DLG3: variants seen among roughly 807,000 people sequenced by gnomAD.
The protein encoded by DLG3 is discs large MAGUK scaffold protein 3.
Under a neutral mutation model 64.1 loss-of-function variants are expected in DLG3, and 1 was observed. That is an observed-to-expected ratio of 0.02 (90% CI 0.01 to 0.07). The LOEUF (loss-of-function observed/expected upper bound fraction) is 0.07. Ranked by LOEUF, DLG3 falls within the 10% of genes least tolerant of loss-of-function variation. The pLI is 1.00. For missense variants in DLG3, 429 were observed against 669.5 expected (o/e 0.64, Z 3.96); for synonymous variants, 245 against 259.8 (o/e 0.94, Z 0.55).
intron 9 of DLG3, among the ~76,000 whole-genome samples, chrX:70,468,298 G>C (rs2147815174): frequency 9.0e-6 from 1 of 111,270 alleles, no homozygotes; most frequent in Non-Finnish European, 1.9e-5. Flanking sequence ...TCAAACTCCT[G>C]ACCTCCGGTG....
intron 1 of DLG3, 134 bp from the exon 2 acceptor site, chrX:70,448,779 T>G: frequency 1.0e-6 from 1 of 967,120 alleles, no homozygotes; most frequent in Non-Finnish European, 1.5e-6. Context: ...TGTCCTCATC[T>G]GTGGCCAAGA....
chrX:70,502,482 C>T lies in DLG3; in HGVS notation c.*213C>T. ...TTTATTTTTTGGGATGATGCCATCT[C>T]ATTCATCATGTGACTGTGCCCATTC... On this transcript the variant is annotated 3_prime_UTR_variant, in exon 19 of 19. Transcript: ENST00000374360. 2.7e-6 allele frequency: 1 copy of T among 374,192 alleles called. No individual in the cohort carries two copies. Among genetic ancestry groups the T allele is most frequent in the Non-Finnish European group, 4.7e-6 (1 of 213,641 alleles). The allele number at this position is 374,192 out of a possible 1,213,427, so 30.8% of individuals were successfully genotyped here.
chrX:70,494,201 A>G (rs758349928), intron 12 of DLG3, among the ~76,000 whole-genome samples: 2 of 112,911 alleles, frequency 1.8e-5, no homozygotes, highest in Non-Finnish European at 3.7e-5. Flanking sequence ...CAACGGAAGA[A>G]GAAATTTAAT....
chrX:70,468,669 C>G (rs1175658235), intron 9 of DLG3, among the ~76,000 whole-genome samples: 4 of 111,446 alleles, frequency 3.6e-5, no homozygotes, highest in African/African-American at 1.3e-4. Flanking sequence ...AATTATTTTT[C>G]CTCAAGCAAT....
At chrX:70,463,316 T>G (rs1481017909) in intron 9 of DLG3, among the ~76,000 whole-genome samples, 1 of 109,564 alleles carries the variant, frequency 9.1e-6, no homozygotes, top group Non-Finnish European at 1.9e-5. Flanking sequence ...CCCAGCAAAT[T>G]TTTTATATCT....
At chrX:70,459,082 A>G (rs1225570358) in intron 9 of DLG3, among the ~76,000 whole-genome samples, 1 of 111,956 alleles carries the variant, frequency 8.9e-6, no homozygotes, top group African/African-American at 3.2e-5. Flanking sequence ...TTATAAACTG[A>G]TCTAGTATTT....
At position 70,503,202 on chromosome X, in the gene DLG3, C is replaced by T. The variant is rs1299866713; in HGVS notation, c.*933C>T. ...GGAATTGCCTATTGTTTTATGCCAC[C>T]TGATGTGTCTGCATGAGAGGTTTCC... On this transcript the variant is annotated 3_prime_UTR_variant, in exon 19 of 19. Coordinates refer to ENST00000374360, the MANE Select transcript of DLG3 (RefSeq NM_021120.4). 8.9e-6 allele frequency: 1 copy of T among 112,693 alleles called. No individual in the cohort carries two copies. The highest frequency in any genetic ancestry group is 9.4e-5 in the Admixed American group (1 of 10,600). 9.3% of individuals were successfully genotyped at this position (112,693 alleles called of 1,213,427 possible).
At chrX:70,481,961 A>G (rs1316694485) in intron 10 of DLG3, among the ~76,000 whole-genome samples, 1 of 111,997 alleles carries the variant, frequency 8.9e-6, no homozygotes, top group Non-Finnish European at 1.9e-5. Context: ...TGAACTACAG[A>G]CCTGCATATC....
chrX:70,474,238 A>G (rs183163436), intron 9 of DLG3, among the ~76,000 whole-genome samples: 2 of 112,153 alleles, frequency 1.8e-5, no homozygotes, highest in African/African-American at 3.2e-5. Context: ...AAGCTTTAGG[A>G]AAGCTTTTCA....
intron 9 of DLG3, among the ~76,000 whole-genome samples, chrX:70,466,580 A>G (rs1211883018): frequency 1.8e-4 from 19 of 108,491 alleles, no homozygotes; most frequent in African/African-American, 6.4e-4. Context: ...CTGGGACTAC[A>G]GGTGTGCGCC....
rs1404349590 is a variant in DLG3 at position 70,505,119 on chromosome X, A to T, written c.*2850A>T. ...GCCTAACAAAAGGGAGTCCCCAAAG[A>T]GCTCCATGAGAGCTTAAGAAAATTC... On this transcript the variant is annotated 3_prime_UTR_variant, in exon 19 of 19. Transcript: ENST00000374360. The T allele has an allele frequency of 1.2e-4, 13 of 112,439 alleles. No individual in the cohort carries two copies. The highest frequency in any genetic ancestry group is 1.9e-4 in the Admixed American group (2 of 10,604). The allele number at this position is 112,439 out of a possible 1,213,427, so 9.3% of individuals were successfully genotyped here.
At chrX:70,485,737 C>A (rs1293592133) in intron 10 of DLG3, among the ~76,000 whole-genome samples, 2 of 111,604 alleles carry the variant, frequency 1.8e-5, no homozygotes, top group Non-Finnish European at 3.8e-5. Context: ...CTGGATCTTT[C>A]CAACCCAAAT....
chrX:70,455,744 C>T lies in DLG3; in HGVS notation c.1405+1428C>T, dbSNP rs2086695375. 4 of 111,570 alleles carry T rather than the reference C, an allele frequency of 3.6e-5. No homozygotes were observed. In the Admixed American group the frequency reaches 3.8e-4, roughly 11 times the overall value. 9.2% of individuals were successfully genotyped at this position (111,570 alleles called of 1,213,427 possible). A position where few individuals can be genotyped will look rare whatever the true frequency, so the allele number is the denominator to read the frequency against. On this transcript the variant is annotated intron_variant, in intron 9 of 18. Transcript: ENST00000374360. ...CCTTTTGTTTGCAAGGGATTCGTAC[C>T]ATTCCCGACTTCTTTCGCCTCCTCC...
chrX:70,445,135 T>C lies in DLG3; in HGVS notation c.-67T>C, dbSNP rs1437426429. 25 of 889,390 alleles carry C rather than the reference T, an allele frequency of 2.8e-5. No individual in the cohort carries two copies. The highest frequency in any genetic ancestry group is 4.9e-5 in the South Asian group (2 of 40,543). The allele number at this position is 889,390 out of a possible 1,213,427, so 73.3% of individuals were successfully genotyped here. A position where few individuals can be genotyped will look rare whatever the true frequency, so the allele number is the denominator to read the frequency against. On this transcript the variant is annotated 5_prime_UTR_variant, in exon 1 of 19. Transcript: ENST00000374360. The stretch of plus-strand genomic sequence containing the variant: ...AGCCCGGCGGCGGCGGCGGCGGTGG[T>C]GGCGGCGGTGGCGGCGGCGTGGAAT...
intron 9 of DLG3, among the ~76,000 whole-genome samples, chrX:70,461,502 G>A (rs1352123982): frequency 9.0e-6 from 1 of 111,231 alleles, no homozygotes; most frequent in Non-Finnish European, 1.9e-5. Context: ...GTGTGCTCGG[G>A]GGGTTTAAGG....
chrX:70,493,552 G>C, intron 12 of DLG3: 1 of 944,366 alleles, frequency 1.1e-6, no homozygotes, highest in Non-Finnish European at 1.5e-6. Flanking sequence ...TCCCTCGAGA[G>C]AAGCCTGGGC....
chrX:70,468,936 T>C (rs1297572625), intron 9 of DLG3, among the ~76,000 whole-genome samples: 1 of 111,214 alleles, frequency 9.0e-6, no homozygotes, highest in East Asian at 2.8e-4. Context: ...ATCTTAGAAA[T>C]TATCTAGTTT....
At chrX:70,474,058 C>T (rs1335762143) in intron 9 of DLG3, among the ~76,000 whole-genome samples, 1 of 111,783 alleles carries the variant, frequency 8.9e-6, no homozygotes, top group Non-Finnish European at 1.9e-5. Flanking sequence ...GGGGTCCAGG[C>T]AAGCTAGCTC....
At chrX:70,490,804 A>G (rs2087345119) in intron 10 of DLG3, among the ~76,000 whole-genome samples, 1 of 112,553 alleles carries the variant, frequency 8.9e-6, no homozygotes, top group Admixed American at 9.4e-5. Context: ...TATGAAGAAG[A>G]CAGCCTAGAT....
Sources: allele counts gnomAD v4.1 joint callset (sites outside exome capture counted in the v4.1 genomes callset), GRCh38; gene constraint gnomAD v4.1.1; transcripts MANE v1.5; gene names NCBI Gene and HGNC (gene_info 2026-07-23, HGNC 2026-07-21).